Variants in ZNF407 observed in about 807,000 individuals in gnomAD.
ZNF407 encodes zinc finger protein 407.
A neutral mutation model predicts 131.2 loss-of-function variants in ZNF407; 17 were observed. The ratio of observed to expected loss-of-function variants is 0.13; its 90% confidence interval spans 0.09 to 0.19. ZNF407 has a LOEUF of 0.19. Ranked by LOEUF, ZNF407 falls within the 10% of genes least tolerant of loss-of-function variation. The pLI is 1.00. For synonymous variants in ZNF407, 1,156 were observed against 1,062.0 expected (o/e 1.09, Z -1.72); for missense variants, 2,681 against 2,830.6 (o/e 0.95, Z 1.20).
intron 4 of ZNF407, among the ~76,000 whole-genome samples, chr18:74,843,656 T>C (rs1970663856): frequency 6.6e-6 from 1 of 152,232 alleles, no homozygotes; most frequent in African/African-American, 2.4e-5. Flanking sequence ...GGGAATGAGA[T>C]TATGCTTGGA....
At chr18:74,865,944 A>G (rs1971004480) in intron 4 of ZNF407, among the ~76,000 whole-genome samples, 1 of 152,254 alleles carries the variant, frequency 6.6e-6, no homozygotes, top group African/African-American at 2.4e-5. Flanking sequence ...TGTGTCAGAA[A>G]CAGTGAAAAA....
intron 4 of ZNF407, 108 bp from the exon 5 acceptor site, chr18:74,877,089 C>A: frequency 1.1e-6 from 1 of 931,942 alleles, no homozygotes; most frequent in Admixed American, 1.9e-5. Context: ...GTGCTCCTCG[C>A]AGAGGCTGCG....
intron 3 of ZNF407, among the ~76,000 whole-genome samples, chr18:74,739,075 A>G (rs1386223263): frequency 6.6e-6 from 1 of 152,038 alleles, no homozygotes; most frequent in Non-Finnish European, 1.5e-5. Flanking sequence ...TCATGCCACA[A>G]CATGTATGTT....
chr18:75,044,476 C>T (rs1489528431), intron 8 of ZNF407, among the ~76,000 whole-genome samples: 1 of 152,084 alleles, frequency 6.6e-6, no homozygotes, highest in African/African-American at 2.4e-5. Flanking sequence ...GATTCTGTTA[C>T]CTTGGGCACC....
At chr18:74,724,451 A>G (rs1968110237) in intron 3 of ZNF407, among the ~76,000 whole-genome samples, 3 of 152,040 alleles carry the variant, frequency 2.0e-5, no homozygotes, top group African/African-American at 7.2e-5. Flanking sequence ...CTTTGTACCC[A>G]TTGGCCAGTC....
intron 3 of ZNF407, among the ~76,000 whole-genome samples, chr18:74,658,552 T>C (rs765369261): frequency 1.3e-5 from 2 of 152,196 alleles, no homozygotes; most frequent in Non-Finnish European, 2.9e-5. Flanking sequence ...CCTAGATGAA[T>C]ACTGGGTTGG....
intron 8 of ZNF407, among the ~76,000 whole-genome samples, chr18:75,035,548 C>G (rs1022865627): frequency 6.6e-6 from 1 of 152,214 alleles, no homozygotes; most frequent in African/African-American, 2.4e-5. Flanking sequence ...TATTACTAAT[C>G]ACATCCAATA....
intron 4 of ZNF407, chr18:74,804,636 C>G (rs951919178): frequency 8.5e-5 from 83 of 977,902 alleles, no homozygotes; most frequent in Non-Finnish European, 1.0e-4. Flanking sequence ...TAGCCAGTCT[C>G]TAAAACGTCT....
rs535197093 is a variant in ZNF407 at position 74,718,022 on chromosome 18, C to T, written c.4803-63406C>T. ...GCTAATTTATTTTTAAACCCTTGTT[C>T]ATTCATTCAATTTTTTTTAACTCGG... is the stretch of plus-strand genomic sequence containing the variant. On this transcript the variant is annotated intron_variant, in intron 3 of 8. Transcript: ENST00000299687. Among the ~76,000 whole-genome samples, 32 of 152,050 alleles carry T rather than the reference C, an allele frequency of 2.1e-4. 1 individual carries two copies. Among genetic ancestry groups the T allele is most frequent in the Non-Finnish European group, 2.4e-4 (16 of 68,002 alleles).
At chr18:74,671,101 G>A (rs755771504) in intron 3 of ZNF407, among the ~76,000 whole-genome samples, 5 of 152,050 alleles carry the variant, frequency 3.3e-5, no homozygotes, top group East Asian at 1.9e-4. Flanking sequence ...CTGAGTGCCC[G>A]TCCCCACCTC....
intron 4 of ZNF407, among the ~76,000 whole-genome samples, chr18:74,811,587 C>T (rs1032606580): frequency 9.9e-5 from 15 of 151,890 alleles, no homozygotes; most frequent in South Asian, 4.2e-4. Flanking sequence ...ATGTTTATTG[C>T]GGCACTATTC....
intron 3 of ZNF407, among the ~76,000 whole-genome samples, chr18:74,662,218 T>C (rs1454283860): frequency 6.6e-6 from 1 of 152,194 alleles, no homozygotes; most frequent in Non-Finnish European, 1.5e-5. Flanking sequence ...TTAATGAATA[T>C]GCACATTTAA....
At chr18:74,985,233 A>G (rs1270951323) in intron 8 of ZNF407, among the ~76,000 whole-genome samples, 3 of 152,192 alleles carry the variant, frequency 2.0e-5, no homozygotes, top group African/African-American at 7.2e-5. Context: ...GGTAATTTTT[A>G]CCTCCTTAAA....
chr18:75,062,072 T>C (rs932015065), intron 8 of ZNF407: 1 of 152,212 alleles, frequency 6.6e-6, no homozygotes, highest in African/African-American at 2.4e-5. Flanking sequence ...GAGCAACCTA[T>C]TCTCCTAACA....
chr18:74,751,696 A>G (rs1194465964), intron 3 of ZNF407, among the ~76,000 whole-genome samples: 19 of 152,230 alleles, frequency 1.2e-4, no homozygotes, highest in Admixed American at 1.2e-3. Flanking sequence ...TACAAAGGAC[A>G]TGAACTCATC....
intron 3 of ZNF407, among the ~76,000 whole-genome samples, chr18:74,672,756 G>GA (rs1986203779): frequency 1.3e-5 from 2 of 152,120 alleles, no homozygotes; most frequent in South Asian, 4.1e-4. Flanking sequence ...TCTTAAAGGA[G>GA]AAAAAACTTT....
intron 7 of ZNF407, among the ~76,000 whole-genome samples, chr18:74,916,265 C>T (rs1321606609): frequency 7.4e-5 from 8 of 107,392 alleles, no homozygotes; most frequent in Non-Finnish European, 1.4e-4. Context: ...AGCATTGGTT[C>T]GAATCGGGAG....
At chr18:74,734,035 T>C (rs1254068144) in intron 3 of ZNF407, among the ~76,000 whole-genome samples, 3 of 152,160 alleles carry the variant, frequency 2.0e-5, no homozygotes, top group African/African-American at 4.8e-5. Context: ...TCTCGGTAAC[T>C]GTCAGAGGCC....
chr18:75,022,541 A>G (rs1459471904), intron 8 of ZNF407, among the ~76,000 whole-genome samples: 3 of 152,220 alleles, frequency 2.0e-5, no homozygotes, highest in African/African-American at 7.2e-5. Context: ...TCATAATATT[A>G]GAGTGTACCA....
Sources: gnomAD v4.1 joint callset for allele counts (sites outside exome capture counted in the v4.1 genomes callset) on GRCh38, gnomAD v4.1.1 for gene constraint, MANE v1.5 for transcripts, NCBI Gene and HGNC (gene_info 2026-07-23, HGNC 2026-07-21) for gene names.